STIM1: variants seen among roughly 807,000 people sequenced by gnomAD.
The protein encoded by STIM1 is stromal interaction molecule 1.
STIM1 carries 25 observed loss-of-function variants against 74.7 expected under a neutral mutation model. That is an observed-to-expected ratio of 0.33 (90% CI 0.24 to 0.47). STIM1 has a LOEUF of 0.47. Among genes scored for constraint, STIM1 ranks in the 20% least tolerant of loss-of-function variants. STIM1 has a pLI of 1.00. For synonymous variants in STIM1, 328 were observed against 348.8 expected (o/e 0.94, Z 0.66); for missense variants, 728 against 920.8 (o/e 0.79, Z 2.71).
intron 5 of STIM1, among the ~76,000 whole-genome samples, chr11:4,068,078 C>T (rs2094379836): frequency 1.3e-5 from 2 of 152,138 alleles, no homozygotes. Flanking sequence ...TAAGTGGAGT[C>T]AAAACTAGTT....
intron 1 of STIM1, among the ~76,000 whole-genome samples, chr11:3,926,736 C>T (rs1053418533): frequency 1.3e-5 from 2 of 152,158 alleles, no homozygotes; most frequent in Admixed American, 1.3e-4. Flanking sequence ...TTTGTATCTG[C>T]AGCTAATTAA....
chr11:4,032,729 C>T (rs1366309256), intron 3 of STIM1, among the ~76,000 whole-genome samples: 1 of 152,204 alleles, frequency 6.6e-6, no homozygotes, highest in South Asian at 2.1e-4. Context: ...AGAACTTTCA[C>T]ATCTTTTGTC....
intron 1 of STIM1, among the ~76,000 whole-genome samples, chr11:3,858,246 T>G (rs1182657596): frequency 1.3e-4 from 16 of 127,664 alleles, no homozygotes; most frequent in South Asian, 2.9e-4. Context: ...TTTTTTTTTT[T>G]GTTTTTTGTT....
chr11:3,889,835 AT>A (rs2091842803), intron 1 of STIM1, among the ~76,000 whole-genome samples: 1 of 152,154 alleles, frequency 6.6e-6, no homozygotes, highest in Non-Finnish European at 1.5e-5. Context: ...GGTGCTGAAA[AT>A]ATAGATAAGG....
chr11:3,934,153 A>C (rs920569266), intron 1 of STIM1, among the ~76,000 whole-genome samples: 4 of 152,064 alleles, frequency 2.6e-5, no homozygotes, highest in African/African-American at 7.2e-5. Flanking sequence ...TGTATAAGGC[A>C]GAATCCAGGG....
intron 1 of STIM1, among the ~76,000 whole-genome samples, chr11:3,861,287 G>A (rs2090594322): frequency 6.6e-6 from 1 of 150,674 alleles, no homozygotes; most frequent in Non-Finnish European, 1.5e-5. Flanking sequence ...AGGCTGGAGT[G>A]CAGTGGCCCG....
At chr11:3,985,996 A>G (rs1038279796) in intron 2 of STIM1, among the ~76,000 whole-genome samples, 3 of 152,040 alleles carry the variant, frequency 2.0e-5, no homozygotes, top group Admixed American at 6.6e-5. Context: ...CTCCTTTGAA[A>G]TCTTTCTTAC....
At chr11:4,050,199 T>G (rs10835540) in intron 3 of STIM1, among the ~76,000 whole-genome samples, 2 of 152,034 alleles carry the variant, frequency 1.3e-5, no homozygotes, top group Non-Finnish European at 2.9e-5. Flanking sequence ...AAAGATGGAA[T>G]GTATTGATTG....
intron 7 of STIM1, among the ~76,000 whole-genome samples, chr11:4,075,837 G>A (rs1416805034): frequency 6.6e-6 from 1 of 152,104 alleles, no homozygotes; most frequent in African/African-American, 2.4e-5. Context: ...GAGAATTCTA[G>A]TTGATCCATG....
chr11:3,915,289 T>A (rs2092626438), intron 1 of STIM1, among the ~76,000 whole-genome samples: 1 of 152,220 alleles, frequency 6.6e-6, no homozygotes, highest in Non-Finnish European at 1.5e-5. Context: ...GAGATTTTGC[T>A]ATGTTGCCCA....
intron 1 of STIM1, among the ~76,000 whole-genome samples, chr11:3,946,411 C>A (rs907232711): frequency 2.6e-5 from 4 of 152,106 alleles, no homozygotes; most frequent in African/African-American, 7.2e-5. Flanking sequence ...TCCTATAGTA[C>A]CCCTATAGTG....
At chr11:4,084,854 C>G in intron 11 of STIM1, 89 bp downstream of exon 11, 1 of 1,035,482 alleles carries the variant, frequency 9.7e-7, no homozygotes, top group Non-Finnish European at 1.3e-6. Flanking sequence ...CTCCTGCCTG[C>G]TTCACGCCCC....
chr11:4,037,889 TCCTTTTCCTA>T (rs1185209158), intron 3 of STIM1, among the ~76,000 whole-genome samples: 1 of 152,180 alleles, frequency 6.6e-6, no homozygotes, highest in African/African-American at 2.4e-5. Flanking sequence ...GTTCTTTAAT[TCCTTTTCCTA>T]CCTTTTCTGC....
At chr11:3,901,270 T>G (rs1467092899) in intron 1 of STIM1, among the ~76,000 whole-genome samples, 1 of 152,170 alleles carries the variant, frequency 6.6e-6, no homozygotes, top group African/African-American at 2.4e-5. Flanking sequence ...CCTTTGAGAT[T>G]AAGTTAGGAA....
intron 1 of STIM1, among the ~76,000 whole-genome samples, chr11:3,857,465 CTG>C (rs910143681): frequency 2.0e-5 from 3 of 151,724 alleles, no homozygotes; most frequent in African/African-American, 7.3e-5. Flanking sequence ...CACTGTCTCT[CTG>C]TGTTGTGCAG....
intron 7 of STIM1, among the ~76,000 whole-genome samples, chr11:4,078,758 A>G (rs1246124393): frequency 6.6e-6 from 1 of 151,428 alleles, no homozygotes; most frequent in Admixed American, 6.6e-5. Flanking sequence ...TTTAGTAGAG[A>G]AGGGGTTTCA....
At chr11:4,053,567 A>T (rs1461721728) in intron 3 of STIM1, among the ~76,000 whole-genome samples, 1 of 147,372 alleles carries the variant, frequency 6.8e-6, no homozygotes, top group Non-Finnish European at 1.5e-5. Flanking sequence ...AACATCACAC[A>T]CTGAGGCCTG....
chr11:4,067,120 C>G (rs1471861087), intron 5 of STIM1, among the ~76,000 whole-genome samples: 1 of 152,216 alleles, frequency 6.6e-6, no homozygotes, highest in African/African-American at 2.4e-5. Context: ...TCATTTACAC[C>G]TACACGTTCG....
intron 2 of STIM1, among the ~76,000 whole-genome samples, chr11:3,994,139 G>A (rs1406874638): frequency 6.6e-6 from 1 of 152,242 alleles, no homozygotes; most frequent in Non-Finnish European, 1.5e-5. Flanking sequence ...TACAATTCTT[G>A]GTTGACATCC....
Sources: gnomAD v4.1 joint callset for allele counts (sites outside exome capture counted in the v4.1 genomes callset) on GRCh38, gnomAD v4.1.1 for gene constraint, MANE v1.5 for transcripts, NCBI Gene and HGNC (gene_info 2026-07-23, HGNC 2026-07-21) for gene names.